Variants in MEP1B observed in about 807,000 individuals in gnomAD.
The protein encoded by MEP1B is N-benzoyl-L-tyrosyl-P-amino-benzoic acid hydrolase subunit beta.
A neutral mutation model predicts 84.6 loss-of-function variants in MEP1B; 80 were observed. The observed-to-expected ratio is 0.95, with a 90% confidence interval of 0.79 to 1.14. The LOEUF (loss-of-function observed/expected upper bound fraction) is 1.14, where lower values mean the gene tolerates loss of function less well. Ranked by LOEUF, MEP1B falls within the 50% of genes most tolerant of loss-of-function variation. The pLI, the probability that MEP1B is intolerant of heterozygous loss-of-function variation, is 0.00. For missense variants in MEP1B, 766 were observed against 855.1 expected, an observed-to-expected ratio of 0.90 and a Z score of 1.30; for synonymous variants, 273 against 288.1, an observed-to-expected ratio of 0.95 and a Z score of 0.53.
chr18:32,209,819 G>GC (rs1555707247), intron 9 of MEP1B, among the ~76,000 whole-genome samples: 1 of 40,964 alleles, frequency 2.4e-5, no homozygotes, highest in East Asian at 3.6e-4. Context: ...AAAAAAAAAA[G>GC]GGGGGCGGGC....
At chr18:32,193,188 C>A (rs1009394329) in intron 4 of MEP1B, among the ~76,000 whole-genome samples, 1 of 152,116 alleles carries the variant, frequency 6.6e-6, no homozygotes, top group African/African-American at 2.4e-5. Flanking sequence ...TTCAATGAAT[C>A]AGGCTTTTTA....
intron 5 of MEP1B, among the ~76,000 whole-genome samples, chr18:32,198,284 C>A (rs1453880507): frequency 6.6e-6 from 1 of 152,164 alleles, no homozygotes; most frequent in Admixed American, 6.5e-5. Flanking sequence ...TTCTCCAAGA[C>A]TTTTTGACTG....
chr18:32,218,821 G>T (rs2041121060), intron 14 of MEP1B, among the ~76,000 whole-genome samples: 2 of 152,156 alleles, frequency 1.3e-5, no homozygotes, highest in East Asian at 3.9e-4. Flanking sequence ...AATTGGGCAA[G>T]GCAACGGCCT....
chr18:32,204,281 C>G lies in MEP1B; in HGVS notation c.468C>G (p.His156Gln). The G allele has an allele frequency of 1.2e-6, 2 of 1,603,696 alleles. No individual in the cohort carries two copies. The highest frequency in any genetic ancestry group is 1.7e-6 in the Non-Finnish European group (2 of 1,175,380). Residue 156 changes from histidine (H) to glutamine (Q), a missense_variant, in exon 7 of 15, where the codon CAC becomes CAG. Coordinates refer to ENST00000269202, the MANE Select transcript of MEP1B (RefSeq NM_005925.3). Reference protein sequence around the residue: ...RIATVQHEFLHALGFWHEQSR... With the variant: ...RIATVQHEFLQALGFWHEQSR... Reference sequence around the variant, plus strand: ...CAACAGTTCAACACGAGTTCCTCCACGCTCTGGGATTCTGGCATGAGCAGT... The same window carrying G: ...CAACAGTTCAACACGAGTTCCTCCAGGCTCTGGGATTCTGGCATGAGCAGT...
rs768619396 is a variant in MEP1B at position 32,213,519 on chromosome 18, C to G, written c.1539C>G (p.Ser513=). 6.2e-7 allele frequency: 1 copy of G among 1,613,750 alleles called. No individual in the cohort carries two copies. The highest frequency in any genetic ancestry group is 2.2e-5 in the East Asian group (1 of 44,880). The change falls in exon 11 of 15, where the codon TCC becomes TCG. Residue 513 remains serine, a synonymous_variant. Coordinates refer to ENST00000269202, the MANE Select transcript of MEP1B (RefSeq NM_005925.3). ...ATCCTGACATTCGACAGCGTATGTCCAATCAGCGGAGTATAACTACAGACC... is the reference window on the plus strand; with the variant it reads ...ATCCTGACATTCGACAGCGTATGTCGAATCAGCGGAGTATAACTACAGACC... The part of the protein sequence containing the change: ...DQNPDIRQRM[S]NQRSITTDPF...
intron 7 of MEP1B, among the ~76,000 whole-genome samples, chr18:32,205,555 T>C (rs2040956333): frequency 6.6e-6 from 1 of 152,198 alleles, no homozygotes; most frequent in African/African-American, 2.4e-5. Flanking sequence ...GAAACAGCAG[T>C]GTTTAGCTTT....
At chr18:32,208,032 C>A (rs2040983580) in intron 8 of MEP1B, 87 bp from the exon 9 acceptor site, 3 of 1,385,964 alleles carry the variant, frequency 2.2e-6, no homozygotes, top group Non-Finnish European at 3.0e-6. Flanking sequence ...ACCAACCTGG[C>A]ATTTCTAATA....
At chr18:32,216,934 T>A in intron 12 of MEP1B, 57 bp from the exon 13 acceptor site, 3 of 1,518,980 alleles carry the variant, frequency 2.0e-6, no homozygotes, top group South Asian at 1.3e-5. Context: ...AAATTAAAGA[T>A]CAAATGATTG....
chr18:32,206,231 C>T (rs1020838704), intron 7 of MEP1B, among the ~76,000 whole-genome samples: 4 of 152,120 alleles, frequency 2.6e-5, no homozygotes, highest in African/African-American at 9.7e-5. Flanking sequence ...ACACCTATTC[C>T]AGTAACCATG....
At chr18:32,192,898 C>A (rs2040816637) in intron 4 of MEP1B, 81 bp downstream of exon 4, 1 of 1,122,432 alleles carries the variant, frequency 8.9e-7, no homozygotes, top group African/African-American at 1.5e-5. Context: ...GATTAGACAG[C>A]ATGAACTTTG....
At chr18:32,208,297 C>T (rs764110379) in intron 9 of MEP1B, 26 bp downstream of exon 9, 3 of 1,574,302 alleles carry the variant, frequency 1.9e-6, no homozygotes, top group Non-Finnish European at 2.6e-6. Context: ...TATTCCTAGA[C>T]TGTATACTCA....
At chr18:32,192,429 T>C (rs868008584) in intron 2 of MEP1B, among the ~76,000 whole-genome samples, 3 of 152,100 alleles carry the variant, frequency 2.0e-5, no homozygotes, top group African/African-American at 7.2e-5. Context: ...GGAATGTCGA[T>C]AGGACAGAAT....
rs191379838 is a variant in MEP1B, at chr18:32,220,291, C to T, written c.*46C>T. ...CCAGCTAATGAAATTAAAAAGGATTCTTCATCATGGATTTCGCCTAAGTGA... is the reference window on the plus strand; with the variant it reads ...CCAGCTAATGAAATTAAAAAGGATTTTTCATCATGGATTTCGCCTAAGTGA... On this transcript the variant is annotated 3_prime_UTR_variant, in exon 15 of 15. Coordinates refer to ENST00000269202, the MANE Select transcript of MEP1B (RefSeq NM_005925.3). 694 of 1,582,810 alleles carry T rather than the reference C, an allele frequency of 4.4e-4. No individual in the cohort carries two copies. Among genetic ancestry groups the T allele is most frequent in the Admixed American group, 1.3e-3 (77 of 57,794 alleles).
At chr18:32,190,257 T>G in intron 1 of MEP1B, 124 bp downstream of exon 1, 1 of 720,550 alleles carries the variant, frequency 1.4e-6, no homozygotes, top group Non-Finnish European at 2.3e-6. Context: ...CTCAAATGAG[T>G]GTTTCTTCTT....
rs113365266 is a variant in MEP1B, at chr18:32,196,493, C to T, written c.250+1008C>T. The stretch of plus-strand genomic sequence containing the variant: ...GGCCGACCGGAAACTCAGCTTTGCT[C>T]TCATAGACCGAGGTGATGAGGTGGT... On this transcript the variant is annotated intron_variant, in intron 5 of 14. Coordinates refer to ENST00000269202, the MANE Select transcript of MEP1B (RefSeq NM_005925.3). The surrounding 1 kb of genome is among the most constrained non-coding windows in gnomAD (Gnocchi z 4.4). The T allele has an allele frequency of 5.8e-6, 4 of 695,602 alleles. No homozygotes were observed. The highest frequency in any genetic ancestry group is 3.5e-5 in the African/African-American group (2 of 57,206). 43.1% of individuals were successfully genotyped at this position (695,602 alleles called of 1,614,324 possible).
intron 13 of MEP1B, 90 bp downstream of exon 13, chr18:32,217,207 A>G: frequency 7.1e-7 from 1 of 1,412,248 alleles, no homozygotes; most frequent in South Asian, 1.5e-5. Flanking sequence ...GTTCTTATGA[A>G]TGAAATCAGT....
rs141518002 is a variant in MEP1B, at chr18:32,218,583, G to A, written c.2091+618G>A. ...CTGAGATGGATATTTGTACGCAGGA[G>A]GTTTATTGGGGAGGGCTCCTGGAAC... is the stretch of plus-strand genomic sequence containing the variant. On this transcript the variant is annotated intron_variant, in intron 14 of 14. Transcript: ENST00000269202. Among the ~76,000 whole-genome samples the A allele has an allele frequency of 3.5e-3, 528 of 152,296 alleles. 8 individuals carry two copies. Among genetic ancestry groups the A allele is most frequent in the African/African-American group, 0.012 (502 of 41,544 alleles).
At chr18:32,218,769 T>C (rs2041120576) in intron 14 of MEP1B, among the ~76,000 whole-genome samples, 1 of 151,614 alleles carries the variant, frequency 6.6e-6, no homozygotes. Context: ...GCCTTTGTAC[T>C]CCCATCACTG....
chr18:32,215,095 T>C lies in MEP1B; in HGVS notation c.1593T>C (p.Tyr531=). 6.3e-7 allele frequency: 1 copy of C among 1,594,694 alleles called. No homozygotes were observed. The highest frequency in any genetic ancestry group is 8.5e-7 in the Non-Finnish European group (1 of 1,170,750). Residue 531 remains tyrosine (Y), a synonymous_variant, in exon 12 of 15, where the codon TAT becomes TAC. Coordinates refer to ENST00000269202, the MANE Select transcript of MEP1B (RefSeq NM_005925.3). ...DPFMTTDNGN[Y]FWDRPSKVGT... is the part of the protein sequence containing the mutation. The stretch of plus-strand genomic sequence containing the variant: ...TTGCTTTTTCAGATAATGGAAACTA[T>C]TTCTGGGACAGGCCTTCTAAAGTGG...
Sources: gnomAD v4.1 joint callset for allele counts (sites outside exome capture counted in the v4.1 genomes callset) on GRCh38, gnomAD v4.1.1 for gene constraint, Gnocchi (gnomAD v3.1) non-coding constraint, MANE v1.5 for transcripts, NCBI Gene and HGNC (gene_info 2026-07-23, HGNC 2026-07-21) for gene names.